Variants in FLI1 observed in about 807,000 individuals in gnomAD.
FLI1 encodes the protein Fli-1 proto-oncogene, ETS transcription factor.
In FLI1, 13 loss-of-function variants were observed where a neutral mutation model predicts 53.1. The observed-to-expected ratio is 0.24, with a 90% confidence interval of 0.16 to 0.39. The LOEUF (loss-of-function observed/expected upper bound fraction) is 0.39. Among genes scored for constraint, FLI1 ranks in the 10% least tolerant of loss-of-function variants. FLI1 has a pLI of 1.00. For missense variants in FLI1, 424 were observed against 600.5 expected (o/e 0.71, Z 3.07); for synonymous variants, 244 against 236.7 (o/e 1.03, Z -0.28).
intron 1 of FLI1, among the ~76,000 whole-genome samples, chr11:128,699,579 G>A (rs1938234788): frequency 6.6e-6 from 1 of 152,126 alleles, no homozygotes; most frequent in Admixed American, 6.5e-5. Context: ...ACTACACCCT[G>A]TTTCAATTTC....
chr11:128,709,875 G>A (rs1802566994), intron 1 of FLI1, among the ~76,000 whole-genome samples: 1 of 152,194 alleles, frequency 6.6e-6, no homozygotes, highest in Non-Finnish European at 1.5e-5. Flanking sequence ...GATACCAGTA[G>A]AACTGAGCTC....
At chr11:128,743,290 T>C (rs1940217756) in intron 1 of FLI1, among the ~76,000 whole-genome samples, 1 of 151,736 alleles carries the variant, frequency 6.6e-6, no homozygotes, top group South Asian at 2.1e-4. Context: ...CTCAGCTACT[T>C]GGTACTTAGG....
At chr11:128,767,703 G>C (rs983626247) in intron 2 of FLI1, among the ~76,000 whole-genome samples, 3 of 152,228 alleles carry the variant, frequency 2.0e-5, no homozygotes, top group African/African-American at 7.2e-5. Context: ...CTGAGAATCA[G>C]ACAGTGTGAC....
intron 5 of FLI1, among the ~76,000 whole-genome samples, chr11:128,796,129 A>G (rs1942437427): frequency 6.6e-6 from 1 of 152,096 alleles, no homozygotes; most frequent in African/African-American, 2.4e-5. Flanking sequence ...GCAATGAGCC[A>G]TTTCCCTGTT....
upstream of FLI1, among the ~76,000 whole-genome samples, chr11:128,693,617 T>G (rs367952216): frequency 1.4e-4 from 21 of 152,170 alleles, no homozygotes; most frequent in South Asian, 4.4e-3. Context: ...GAGGGCCACC[T>G]TCGGCCAACC....
chr11:128,703,857 A>C lies in FLI1; in HGVS notation c.18+9581A>C, dbSNP rs201363721. On this transcript the variant is annotated intron_variant, in intron 1 of 8. Transcript: ENST00000527786. The stretch of plus-strand genomic sequence containing the variant: ...GACTCCGTCTCAAAAAAAAAAAAAA[A>C]AAAAAACAAACGTTAAGAGAGACAC... 6.6e-5 allele frequency among the ~76,000 whole-genome samples: 10 copies of C among 151,268 alleles called. No homozygotes were observed. The East Asian group carries it at 1.9e-3, about 29-fold the overall frequency.
At chr11:128,805,605 G>A (rs1942761419) in intron 6 of FLI1, 174 bp downstream of exon 6, 1 of 542,720 alleles carries the variant, frequency 1.8e-6, no homozygotes, top group Non-Finnish European at 3.3e-6. Context: ...CTTGAAAGAT[G>A]ATATGGGATT....
intron 1 of FLI1, among the ~76,000 whole-genome samples, chr11:128,720,120 C>A (rs1417241403): frequency 6.6e-6 from 1 of 152,152 alleles, no homozygotes. Context: ...CTTTATAATG[C>A]AAATATATAG....
upstream of FLI1, chr11:128,686,496 C>A (rs1265683635): frequency 2.2e-6 from 1 of 456,636 alleles, no homozygotes; most frequent in South Asian, 1.5e-5. Context: ...TCGGACCCTC[C>A]CTCGCCGGAC....
At chr11:128,772,470 T>C (rs1941597183) in intron 3 of FLI1, among the ~76,000 whole-genome samples, 1 of 152,160 alleles carries the variant, frequency 6.6e-6, no homozygotes, top group African/African-American at 2.4e-5. Flanking sequence ...GTCTGTGAAA[T>C]TGTGTTTATT....
At chr11:128,802,106 G>A (rs1018493668) in intron 5 of FLI1, among the ~76,000 whole-genome samples, 1 of 152,140 alleles carries the variant, frequency 6.6e-6, no homozygotes, top group Non-Finnish European at 1.5e-5. Context: ...CTCTGTGCTG[G>A]GCACTATGCT....
intron 2 of FLI1, among the ~76,000 whole-genome samples, chr11:128,762,003 C>T (rs1332041143): frequency 3.3e-5 from 5 of 152,128 alleles, no homozygotes; most frequent in African/African-American, 9.7e-5. Context: ...GCACAGCTAT[C>T]GCCAGCACCC....
chr11:128,798,506 GTC>G (rs1942511707), intron 5 of FLI1, among the ~76,000 whole-genome samples: 7 of 152,134 alleles, frequency 4.6e-5, no homozygotes, highest in Admixed American at 4.6e-4. Context: ...TTCCTCGTAG[GTC>G]TTTTTTTCCC....
chr11:128,754,590 A>G (rs1267485026), intron 1 of FLI1, among the ~76,000 whole-genome samples: 2 of 152,234 alleles, frequency 1.3e-5, no homozygotes, highest in Admixed American at 6.5e-5. Flanking sequence ...CAGGTGGGAC[A>G]AAGATGACCT....
At chr11:128,782,458 G>A (rs1780892689) in intron 5 of FLI1, among the ~76,000 whole-genome samples, 1 of 152,152 alleles carries the variant, frequency 6.6e-6, no homozygotes, top group Non-Finnish European at 1.5e-5. Context: ...GCTTTGGGGG[G>A]CCGAAGTGGG....
intron 5 of FLI1, among the ~76,000 whole-genome samples, chr11:128,801,072 C>T (rs559473929): frequency 5.3e-4 from 81 of 152,226 alleles, no homozygotes; most frequent in Non-Finnish European, 1.0e-3. Flanking sequence ...CTGGTGCCGA[C>T]GGCCACATTT....
At chr11:128,691,475 G>A (rs1312431523), upstream of FLI1, among the ~76,000 whole-genome samples, 1 of 152,170 alleles carries the variant, frequency 6.6e-6, no homozygotes, top group African/African-American at 2.4e-5. Flanking sequence ...TGAATGGACA[G>A]GAGCTTCTCC....
At chr11:128,705,954 A>G (rs2135710334) in intron 1 of FLI1, among the ~76,000 whole-genome samples, 1 of 152,218 alleles carries the variant, frequency 6.6e-6, no homozygotes, top group Admixed American at 6.5e-5. Context: ...CCCTATGTGC[A>G]ATTACCAGGG....
chr11:128,701,967 G>A (rs988601484), intron 1 of FLI1, among the ~76,000 whole-genome samples: 1 of 152,214 alleles, frequency 6.6e-6, no homozygotes, highest in Non-Finnish European at 1.5e-5. Context: ...ATCGGAGAGT[G>A]AGCAATTCTG....
Sources: allele counts gnomAD v4.1 joint callset (sites outside exome capture counted in the v4.1 genomes callset), GRCh38; gene constraint gnomAD v4.1.1; transcripts MANE v1.5; gene names NCBI Gene and HGNC (gene_info 2026-07-23, HGNC 2026-07-21).